Variants in TG observed in about 807,000 individuals in gnomAD.
The protein encoded by TG is thyroid hormones.
A neutral mutation model predicts 324.7 loss-of-function variants in TG; 270 were observed. That is an observed-to-expected ratio of 0.83 (90% confidence interval 0.75 to 0.92). The LOEUF is 0.92. Ranked by LOEUF, TG falls within the 40% of genes least tolerant of loss-of-function variation. The pLI, the probability that TG is intolerant of heterozygous loss-of-function variation, is 0.00. For synonymous variants in TG, 1,401 were observed against 1,327.0 expected (o/e 1.06, Z -1.21); for missense variants, 3,591 against 3,456.4 (o/e 1.04, Z -0.98).
chr8:133,086,657 A>G (rs1000196456), intron 41 of TG, among the ~76,000 whole-genome samples: 4 of 152,232 alleles, frequency 2.6e-5, no homozygotes, highest in African/African-American at 4.8e-5. Flanking sequence ...TATTGTCTGT[A>G]ACATCATAAA....
intron 5 of TG, among the ~76,000 whole-genome samples, chr8:132,879,872 A>G (rs1384024543): frequency 1.1e-4 from 16 of 152,244 alleles, no homozygotes; most frequent in Admixed American, 8.5e-4. Context: ...AGATGGCTCA[A>G]AGACTGTGGA....
intron 41 of TG, among the ~76,000 whole-genome samples, chr8:133,062,047 A>G (rs1044438827): frequency 1.3e-5 from 2 of 152,248 alleles, no homozygotes; most frequent in Non-Finnish European, 2.9e-5. Context: ...CGCAAAAGCT[A>G]TAAACTCATA....
intron 16 of TG, among the ~76,000 whole-genome samples, chr8:132,902,480 C>A (rs1818067874): frequency 6.6e-6 from 1 of 152,086 alleles, no homozygotes; most frequent in South Asian, 2.1e-4. Flanking sequence ...TCCCTCCTGC[C>A]CTGAACCTGT....
chr8:133,086,972 T>A (rs771749581), intron 41 of TG, among the ~76,000 whole-genome samples: 4 of 151,854 alleles, frequency 2.6e-5, no homozygotes, highest in African/African-American at 4.8e-5. Context: ...ATCTTGTAAA[T>A]AAATAAGTAA....
rs760396370 is a variant in TG at position 132,908,346 on chromosome 8, T to C, written c.4002+6T>C. 1 of 1,532,662 alleles carries C rather than the reference T, an allele frequency of 6.5e-7. No individual in the cohort carries two copies. The highest frequency in any genetic ancestry group is 8.8e-7 in the Non-Finnish European group (1 of 1,133,592). 94.9% of individuals were successfully genotyped at this position (1,532,662 alleles called of 1,614,324 possible). On this transcript the variant is annotated splice_donor_region_variant and intron_variant, in intron 18 of 47. Coordinates refer to ENST00000220616, the MANE Select transcript of TG (RefSeq NM_003235.5). ...GCGGCTTCTGCCAGATCCAGGTACA[T>C]GCCTGGCCTTCCCCACAGTGAGGGC...
intron 10 of TG, among the ~76,000 whole-genome samples, chr8:132,891,314 A>G (rs1178978345): frequency 6.6e-6 from 1 of 152,112 alleles, no homozygotes; most frequent in Non-Finnish European, 1.5e-5. Context: ...ATGAAAGAAG[A>G]AGAGGCGGAT....
intron 40 of TG, among the ~76,000 whole-genome samples, chr8:133,023,484 A>C (rs1449611674): frequency 1.3e-5 from 2 of 152,170 alleles, no homozygotes; most frequent in African/African-American, 4.8e-5. Context: ...CGTGGTAAGA[A>C]GTGAATATGG....
At position 132,869,738 on chromosome 8, in the gene TG, G is replaced by A. The variant is rs1262235663; in HGVS notation, c.186G>A (p.Gln62=). 2 of 1,614,192 alleles carry A rather than the reference G, an allele frequency of 1.2e-6. No homozygotes were observed. Among genetic ancestry groups the A allele is most frequent in the Non-Finnish European group, 1.7e-6 (2 of 1,180,024 alleles). The change falls in exon 3 of 48, where the codon CAG becomes CAA. Residue 62 remains glutamine, a synonymous_variant. Coordinates refer to ENST00000220616, the MANE Select transcript of TG (RefSeq NM_003235.5). ...CAEDGSFQTV[Q]CQNDGRSCWC... ...TGTGTCTCCTCCTCAGGACTGTCCA[G>A]TGCCAGAACGACGGCCGCTCCTGCT...
At chr8:133,098,506 A>G (rs756783186) in intron 43 of TG, among the ~76,000 whole-genome samples, 9 of 152,102 alleles carry the variant, frequency 5.9e-5, no homozygotes, top group Non-Finnish European at 1.2e-4. Flanking sequence ...CTTATTTGAT[A>G]CCCTCCTACA....
chr8:133,067,778 G>C (rs1489419278), intron 41 of TG, among the ~76,000 whole-genome samples: 1 of 146,616 alleles, frequency 6.8e-6, no homozygotes, highest in Non-Finnish European at 1.5e-5. Flanking sequence ...ACTCCATCTA[G>C]AAAGAAAGAA....
rs1049681679 is a variant in TG, at chr8:132,985,134, C to A, written c.6262+1722C>A. 1.1e-4 allele frequency among the ~76,000 whole-genome samples: 16 copies of A among 152,202 alleles called. No individual in the cohort carries two copies. The South Asian group carries it at 1.5e-3, about 14-fold the overall frequency. ...GCCGTGTGTTCAACGACACATAGAT[C>A]AAAAATAATCAGAAAATAAAATTCC... On this transcript the variant is annotated intron_variant, in intron 35 of 47. Transcript: ENST00000220616.
rs1689066420 is a variant in TG at position 132,950,406 on chromosome 8, C to G, written c.5401+1463C>G. On this transcript the variant is annotated intron_variant, in intron 27 of 47. Coordinates refer to ENST00000220616, the MANE Select transcript of TG (RefSeq NM_003235.5). ...TATGTTGCTGCAGGAAGTGGTCTCC[C>G]AAAGGCTGGCAGAGACTCTCTCCTG... Among the ~76,000 whole-genome samples the G allele has an allele frequency of 2.0e-5, 3 of 152,146 alleles. No individual in the cohort carries two copies. In the South Asian group the frequency reaches 6.2e-4, roughly 32 times the overall value.
chr8:133,029,866 C>A lies in TG; in HGVS notation c.7082C>A (p.Ala2361Glu). 1 of 1,614,192 alleles carries A rather than the reference C, an allele frequency of 6.2e-7. No individual in the cohort carries two copies. Among genetic ancestry groups the A allele is most frequent in the East Asian group, 2.2e-5 (1 of 44,886 alleles). The change falls in exon 41 of 48, where the codon GCG (alanine) becomes GAG (glutamate). Residue 2361 changes from alanine to glutamate, a missense_variant. By Grantham distance (107) the Ala-to-Glu change is moderately radical. Coordinates refer to ENST00000220616, the MANE Select transcript of TG (RefSeq NM_003235.5). Reference sequence around the variant, plus strand: ...AACTGGGGGCTGCTGGACCAGGTGGCGGCTCTGACCTGGGTGCAGACCCAC... The same window carrying A: ...AACTGGGGGCTGCTGGACCAGGTGGAGGCTCTGACCTGGGTGCAGACCCAC... ...SGNWGLLDQV[A>E]ALTWVQTHIR...
intron 6 of TG, 85 bp downstream of exon 6, chr8:132,882,054 C>A: frequency 5.0e-6 from 5 of 1,003,864 alleles, no homozygotes; most frequent in Non-Finnish European, 7.8e-6. Context: ...TTGTAAAGCA[C>A]AGCTAGAGTG....
intron 41 of TG, chr8:133,040,119 C>T: frequency 6.3e-7 from 1 of 1,577,026 alleles, no homozygotes; most frequent in Non-Finnish European, 8.6e-7. Context: ...CAGCACAGGC[C>T]ATCAGCCACC....
At chr8:132,936,783 G>A (rs1489942237) in intron 25 of TG, among the ~76,000 whole-genome samples, 1 of 152,188 alleles carries the variant, frequency 6.6e-6, no homozygotes, top group Non-Finnish European at 1.5e-5. Flanking sequence ...AGCAAGGCAC[G>A]CTCTGAGCCA....
intron 41 of TG, chr8:133,075,036 A>G (rs1844649813): frequency 2.0e-6 from 2 of 985,310 alleles, no homozygotes; most frequent in African/African-American, 3.5e-5. Context: ...CTGGCCGCAT[A>G]CTTCCTCTGC....
chr8:132,917,832 A>G (rs1820567298), intron 20 of TG, among the ~76,000 whole-genome samples: 1 of 151,936 alleles, frequency 6.6e-6, no homozygotes, highest in African/African-American at 2.4e-5. Flanking sequence ...TCAAACTCAA[A>G]TAGGTATAAC....
rs181725686 is a variant in TG, at chr8:132,984,556, A to T, written c.6262+1144A>T. ...AGACCAAACAGATAATACATGTGCT[A>T]GCCAGATTTTGGTCAAAATTGATTT... On this transcript the variant is annotated intron_variant, in intron 35 of 47. Transcript: ENST00000220616. Among the ~76,000 whole-genome samples, 39 of 152,344 alleles carry T rather than the reference A, an allele frequency of 2.6e-4. No individual in the cohort carries two copies. In the East Asian group the frequency reaches 7.3e-3, roughly 29 times the overall value.
Sources: allele counts gnomAD v4.1 joint callset (sites outside exome capture counted in the v4.1 genomes callset), GRCh38; gene constraint gnomAD v4.1.1; transcripts MANE v1.5; gene names NCBI Gene and HGNC (gene_info 2026-07-23, HGNC 2026-07-21).